APPL1: variants seen among roughly 807,000 people sequenced by gnomAD.
APPL1 encodes DCC-interacting protein 13-alpha.
Under a neutral mutation model 106.8 loss-of-function variants are expected in APPL1, and 42 were observed. The observed-to-expected ratio is 0.39, with a 90% CI of 0.31 to 0.51. The LOEUF (loss-of-function observed/expected upper bound fraction) is 0.51, where lower values mean the gene tolerates loss of function less well. Among genes scored for constraint, APPL1 ranks in the 20% least tolerant of loss-of-function variants. The pLI is 0.75. For missense variants in APPL1, 769 were observed against 858.2 expected (o/e 0.90, Z 1.30); for synonymous variants, 263 against 281.8 (o/e 0.93, Z 0.67).
At chr3:57,252,940 T>C (rs549987393) in intron 12 of APPL1, among the ~76,000 whole-genome samples, 1 of 152,316 alleles carries the variant, frequency 6.6e-6, no homozygotes, top group East Asian at 1.9e-4. Context: ...ATTGTGTTGG[T>C]AAAAGATAAA....
At chr3:57,265,316 A>G (rs1010081886) in intron 19 of APPL1, among the ~76,000 whole-genome samples, 1 of 151,454 alleles carries the variant, frequency 6.6e-6, no homozygotes, top group Non-Finnish European at 1.5e-5. Context: ...CACCTGGCTA[A>G]TTTTTGTATT....
At chr3:57,240,640 G>A (rs1654236770) in intron 5 of APPL1, 88 bp downstream of exon 5, 1 of 1,167,486 alleles carries the variant, frequency 8.6e-7, no homozygotes, top group Non-Finnish European at 1.3e-6. Flanking sequence ...CACCATTTCT[G>A]GATGACAGCC....
At chr3:57,260,238 A>G (rs2060858125) in intron 18 of APPL1, 85 bp downstream of exon 18, 20 of 1,390,340 alleles carry the variant, frequency 1.4e-5, no homozygotes, top group Non-Finnish European at 1.9e-5. Context: ...CTGATCCTGT[A>G]TATTCAAGTG....
intron 1 of APPL1, 97 bp from the exon 2 acceptor site, chr3:57,235,469 T>G: frequency 2.9e-6 from 2 of 686,906 alleles, no homozygotes; most frequent in Non-Finnish European, 4.8e-6. Context: ...TTACTAGAAC[T>G]TTAATATCCT....
intron 12 of APPL1, among the ~76,000 whole-genome samples, chr3:57,252,782 A>G (rs528036712): frequency 1.3e-5 from 2 of 152,276 alleles, no homozygotes; most frequent in African/African-American, 4.8e-5. Flanking sequence ...TGAGCCTTTT[A>G]TTTTTGGCTC....
At chr3:57,266,392 G>C (rs1194028376) in intron 19 of APPL1, among the ~76,000 whole-genome samples, 1 of 152,060 alleles carries the variant, frequency 6.6e-6, no homozygotes, top group African/African-American at 2.4e-5. Flanking sequence ...GGACTGTTCA[G>C]GTTTTGGATT....
intron 1 of APPL1, among the ~76,000 whole-genome samples, chr3:57,231,952 T>C (rs1451024343): frequency 6.6e-6 from 1 of 152,164 alleles, no homozygotes; most frequent in African/African-American, 2.4e-5. Flanking sequence ...CAAACAAGCA[T>C]CTTTTAAGAA....
intron 19 of APPL1, among the ~76,000 whole-genome samples, chr3:57,261,472 C>T (rs1309171777): frequency 2.6e-5 from 4 of 152,064 alleles, no homozygotes; most frequent in East Asian, 1.9e-4. Flanking sequence ...GGTAGATACC[C>T]AGTAGTGGGA....
chr3:57,258,981 CTCATGGTAACTGACCATGTGT>C, intron 15 of APPL1, 26 bp from the exon 16 acceptor site: 1 of 1,399,964 alleles, frequency 7.1e-7, no homozygotes, highest in Non-Finnish European at 1.0e-6. Context: ...TTCTATGTGG[CTCATGGTAACTGACCATGTGT>C]TCATATTTTC....
At position 57,269,755 on chromosome 3, in the gene APPL1, A is replaced by G. The variant is rs2060923115; in HGVS notation, c.*68A>G. The G allele has an allele frequency of 5.2e-6, 8 of 1,525,708 alleles. No homozygotes were observed. In the East Asian group the frequency reaches 1.1e-4, roughly 22 times the overall value. The allele number at this position is 1,525,708 out of a possible 1,614,324, so 94.5% of individuals were successfully genotyped here. ...TTCTATGGTGAAATGGCAGAAGGTA[A>G]CAACTATGTTGAAATATCAAGGAGG... On this transcript the variant is annotated 3_prime_UTR_variant, in exon 22 of 22. Transcript: ENST00000288266.
chr3:57,252,985 C>A (rs1222990110), intron 12 of APPL1, among the ~76,000 whole-genome samples: 1 of 152,126 alleles, frequency 6.6e-6, no homozygotes, highest in Non-Finnish European at 1.5e-5. Context: ...CCTTTATTTA[C>A]TTCTTATGGA....
intron 15 of APPL1, among the ~76,000 whole-genome samples, chr3:57,258,355 T>C (rs1366759169): frequency 6.6e-6 from 1 of 152,200 alleles, no homozygotes; most frequent in Non-Finnish European, 1.5e-5. Context: ...AGACGGGTTC[T>C]TCCTGTGTTG....
chr3:57,227,956 TG>T lies in APPL1; in HGVS notation c.54+22del. 1 of 1,425,980 alleles carries T rather than the reference TG, an allele frequency of 7.0e-7. No individual in the cohort carries two copies. The allele number at this position is 1,425,980 out of a possible 1,614,324, so 88.3% of individuals were successfully genotyped here. A position where few individuals can be genotyped will look rare whatever the true frequency, so the allele number is the denominator to read the frequency against. On this transcript the variant is annotated intron_variant, in intron 1 of 21. Coordinates refer to ENST00000288266, the MANE Select transcript of APPL1 (RefSeq NM_012096.3). ...CCCGCAGGTGAGGCGCGGGAGCTGG[TG>T]GGCGACGAGGGAGAGCCCAGCTGGC...
At chr3:57,238,839 C>T (rs1182117166) in intron 4 of APPL1, among the ~76,000 whole-genome samples, 1 of 152,152 alleles carries the variant, frequency 6.6e-6, no homozygotes, top group East Asian at 1.9e-4. Context: ...AGTGCATTCA[C>T]AGTGCTATGC....
chr3:57,259,186 A>C, intron 16 of APPL1, 106 bp downstream of exon 16: 2 of 899,606 alleles, frequency 2.2e-6, no homozygotes, highest in Non-Finnish European at 3.4e-6. Context: ...TTTTAATGCT[A>C]TCTTTACTTC....
rs576610110 is a variant in APPL1, at chr3:57,227,856, C to T, written c.-28C>T. ...GGGGAGCTGTGGGCGGCAGCTGCGT[C>T]TCCTGCCACCGCCCTCCCTCCGCCA... On this transcript the variant is annotated 5_prime_UTR_variant, in exon 1 of 22. Coordinates refer to ENST00000288266, the MANE Select transcript of APPL1 (RefSeq NM_012096.3). 57 of 1,454,052 alleles carry T rather than the reference C, an allele frequency of 3.9e-5. 1 individual carries two copies. In the Middle Eastern group the frequency reaches 9.9e-4, roughly 25 times the overall value. 90.1% of individuals were successfully genotyped at this position (1,454,052 alleles called of 1,614,324 possible).
intron 13 of APPL1, among the ~76,000 whole-genome samples, chr3:57,256,739 A>G (rs1321275179): frequency 1.3e-5 from 2 of 152,218 alleles, no homozygotes; most frequent in Non-Finnish European, 1.5e-5. Context: ...ATAATTATGT[A>G]TAAGTAGAAA....
intron 2 of APPL1, among the ~76,000 whole-genome samples, chr3:57,236,787 T>C (rs1392164821): frequency 2.0e-5 from 3 of 152,232 alleles, no homozygotes; most frequent in African/African-American, 2.4e-5. Flanking sequence ...TATGTTTGGA[T>C]AACTTAATTA....
intron 18 of APPL1, 119 bp downstream of exon 18, chr3:57,260,272 C>G: frequency 9.0e-7 from 1 of 1,108,812 alleles, no homozygotes; most frequent in Non-Finnish European, 1.3e-6. Context: ...TATGATTGGT[C>G]TTTGGCTGTT....
Sources: allele counts gnomAD v4.1 joint callset (sites outside exome capture counted in the v4.1 genomes callset), GRCh38; gene constraint gnomAD v4.1.1; transcripts MANE v1.5; gene names NCBI Gene and HGNC (gene_info 2026-07-23, HGNC 2026-07-21).